FAM83B: variants seen among roughly 807,000 people sequenced by gnomAD.
The protein encoded by FAM83B is scaffolding CK1 anchoring protein B, also known as protein FAM83B.
In FAM83B, 26 loss-of-function variants were observed where a neutral mutation model predicts 38.8. The observed-to-expected ratio is 0.67, with a 90% CI of 0.49 to 0.93. The LOEUF is 0.93. FAM83B is among the 40% of genes least tolerant of loss of function. The pLI, the probability that FAM83B is intolerant of heterozygous loss-of-function variation, is 0.00. For synonymous variants in FAM83B, 419 were observed against 423.1 expected, an observed-to-expected ratio of 0.99 and a Z score of 0.12; for missense variants, 1,237 against 1,197.3, an observed-to-expected ratio of 1.03 and a Z score of -0.49.
At chr6:54,888,795 GT>G (rs1010161937) in intron 2 of FAM83B, among the ~76,000 whole-genome samples, 1 of 151,660 alleles carries the variant, frequency 6.6e-6, no homozygotes, top group Non-Finnish European at 1.5e-5. Context: ...TTTTCCTGCT[GT>G]TTTGGAAATA....
At chr6:54,887,624 C>T (rs1561914820) in intron 2 of FAM83B, among the ~76,000 whole-genome samples, 1 of 151,848 alleles carries the variant, frequency 6.6e-6, no homozygotes, top group East Asian at 1.9e-4. Flanking sequence ...TTTTGAGACT[C>T]TTTTTAGGTA....
intron 2 of FAM83B, among the ~76,000 whole-genome samples, chr6:54,917,612 C>A (rs950811446): frequency 3.9e-5 from 6 of 152,016 alleles, no homozygotes; most frequent in African/African-American, 1.4e-4. Flanking sequence ...TTTTGAGGAG[C>A]TTTTCTTGGT....
intron 2 of FAM83B, among the ~76,000 whole-genome samples, chr6:54,912,093 C>G (rs1772923511): frequency 6.6e-6 from 1 of 151,756 alleles, no homozygotes; most frequent in South Asian, 2.1e-4. Context: ...TATAACTTAA[C>G]TGTCTGCTTG....
intron 4 of FAM83B, among the ~76,000 whole-genome samples, chr6:54,935,108 C>G (rs907129042): frequency 6.6e-6 from 1 of 152,130 alleles, no homozygotes; most frequent in East Asian, 1.9e-4. Flanking sequence ...TTTCCACCAA[C>G]ATAAACATCT....
intron 2 of FAM83B, among the ~76,000 whole-genome samples, chr6:54,909,542 T>C (rs552335714): frequency 6.6e-6 from 1 of 152,306 alleles, no homozygotes; most frequent in Non-Finnish European, 1.5e-5. Flanking sequence ...TAAATATATT[T>C]ATTTGCATGT....
At chr6:54,902,597 T>C (rs1394816447) in intron 2 of FAM83B, among the ~76,000 whole-genome samples, 1 of 152,070 alleles carries the variant, frequency 6.6e-6, no homozygotes, top group East Asian at 1.9e-4. Context: ...ACCTTGTTTT[T>C]GACATTTTTC....
At chr6:54,898,203 C>T (rs542158779) in intron 2 of FAM83B, among the ~76,000 whole-genome samples, 2 of 152,126 alleles carry the variant, frequency 1.3e-5, no homozygotes, top group South Asian at 2.1e-4. Flanking sequence ...AGAGAAACAA[C>T]GGGTGCCTGA....
At chr6:54,902,544 GT>G (rs1772682596) in intron 2 of FAM83B, among the ~76,000 whole-genome samples, 1 of 152,110 alleles carries the variant, frequency 6.6e-6, no homozygotes, top group African/African-American at 2.4e-5. Context: ...TGATTAACTT[GT>G]TTTTCTGGAG....
At chr6:54,886,387 A>G (rs1255112943) in intron 2 of FAM83B, among the ~76,000 whole-genome samples, 3 of 152,094 alleles carry the variant, frequency 2.0e-5, no homozygotes, top group African/African-American at 4.8e-5. Context: ...AGATTTGCCA[A>G]TTAAGTTATT....
chr6:54,898,409 G>A, intron 2 of FAM83B, among the ~76,000 whole-genome samples: 1 of 152,170 alleles, frequency 6.6e-6, no homozygotes, highest in South Asian at 2.1e-4. Flanking sequence ...CAGAAATGAA[G>A]ATGGCTGGTC....
Position 54,941,307 on chromosome 6 carries a change from T to G in FAM83B, c.2336T>G (p.Leu779Arg). 1.9e-6 allele frequency: 3 copies of G among 1,612,094 alleles called. No homozygotes were observed. The highest frequency in any genetic ancestry group is 2.5e-6 in the Non-Finnish European group (3 of 1,179,556). Residue 779 changes from leucine to arginine, a missense_variant, in exon 5 of 5, where the codon CTT (leucine) becomes CGT (arginine). Leu to Arg is a moderately radical substitution (Grantham distance 102). Transcript: ENST00000306858. Reference protein sequence around the residue: ...KKGSQKLRSLLSLTPDKKENL... With the variant: ...KKGSQKLRSLRSLTPDKKENL... ...GGGTCTCAGAAGTTAAGGTCATTACTTAGCCTTACCCCAGATAAGAAAGAA... is the reference window on the plus strand; with the variant it reads ...GGGTCTCAGAAGTTAAGGTCATTACGTAGCCTTACCCCAGATAAGAAAGAA...
rs144334371 is a variant in FAM83B, at chr6:54,940,912, G to T, written c.1941G>T (p.Gln647His). Residue 647 changes from glutamine (Q) to histidine (H), a missense_variant, in exon 5 of 5, where the codon CAG becomes CAT. Gln to His is a conservative substitution (Grantham distance 24). Transcript: ENST00000306858. ...YIYKTLGVNK[Q>H]TENLKNQQTE... ...ATAAAACCTTGGGTGTAAATAAGCA[G>T]ACAGAAAATCTAAAGAATCAACAGA... The T allele has an allele frequency of 3.8e-5, 61 of 1,613,300 alleles. No homozygotes were observed. The African/African-American group carries it at 7.7e-4, about 20-fold the overall frequency.
chr6:54,847,250 G>A (rs968679347), intron 1 of FAM83B, among the ~76,000 whole-genome samples: 8 of 152,030 alleles, frequency 5.3e-5, no homozygotes, highest in Admixed American at 3.3e-4. Context: ...AGGAAGTCCA[G>A]GGTGGAAGCA....
At chr6:54,912,161 C>G (rs908489169) in intron 2 of FAM83B, among the ~76,000 whole-genome samples, 2 of 151,632 alleles carry the variant, frequency 1.3e-5, no homozygotes, top group African/African-American at 4.8e-5. Context: ...TTTAGAATAT[C>G]AAGTGTGATA....
At chr6:54,905,970 T>A (rs1772768569) in intron 2 of FAM83B, among the ~76,000 whole-genome samples, 1 of 151,936 alleles carries the variant, frequency 6.6e-6, no homozygotes, top group African/African-American at 2.4e-5. Context: ...TTTCTTTTCA[T>A]GGTTAAGATT....
At chr6:54,846,446 C>T (rs949716663), upstream of FAM83B, among the ~76,000 whole-genome samples, 2 of 152,190 alleles carry the variant, frequency 1.3e-5, no homozygotes, top group Admixed American at 6.5e-5. Context: ...CGCCCCAGAC[C>T]AGGAGCAGGG....
At chr6:54,859,033 A>C (rs1324965479) in intron 1 of FAM83B, among the ~76,000 whole-genome samples, 1 of 152,130 alleles carries the variant, frequency 6.6e-6, no homozygotes, top group Non-Finnish European at 1.5e-5. Context: ...TATGGGCATT[A>C]TAATTCCTCC....
At chr6:54,885,935 T>G in intron 2 of FAM83B, among the ~76,000 whole-genome samples, 1 of 150,642 alleles carries the variant, frequency 6.6e-6, no homozygotes, top group Non-Finnish European at 1.5e-5. Context: ...ACCCGCACGT[T>G]GTGCACATGT....
At chr6:54,926,335 G>T in intron 2 of FAM83B, 36 bp from the exon 3 acceptor site, 1 of 1,375,958 alleles carries the variant, frequency 7.3e-7, no homozygotes, top group South Asian at 1.5e-5. Context: ...TCTCTATCAA[G>T]GATCTAAAAT....
Sources: allele counts gnomAD v4.1 joint callset (sites outside exome capture counted in the v4.1 genomes callset), GRCh38; gene constraint gnomAD v4.1.1; transcripts MANE v1.5; gene names NCBI Gene and HGNC (gene_info 2026-07-23, HGNC 2026-07-21).